PRIMA1: variants seen among roughly 807,000 people sequenced by gnomAD.
The protein encoded by PRIMA1 is proline rich membrane anchor 1.
In PRIMA1, 7 loss-of-function variants were observed where a neutral mutation model predicts 17.5. That is an observed-to-expected ratio of 0.40 (90% confidence interval 0.23 to 0.75). PRIMA1 has a LOEUF of 0.75. Ranked by LOEUF, PRIMA1 falls within the 30% of genes least tolerant of loss-of-function variation. The pLI, the probability that PRIMA1 is intolerant of heterozygous loss-of-function variation, is 0.37. For missense variants in PRIMA1, 200 were observed against 201.8 expected, an observed-to-expected ratio of 0.99 and a Z score of 0.05; for synonymous variants, 97 against 77.9, an observed-to-expected ratio of 1.25 and a Z score of -1.29.
intron 3 of PRIMA1, among the ~76,000 whole-genome samples, chr14:93,773,737 G>C (rs754501930): frequency 6.6e-6 from 1 of 152,218 alleles, no homozygotes; most frequent in South Asian, 2.1e-4. Flanking sequence ...CTGCCACAGA[G>C]GAATAGGAGG....
intron 3 of PRIMA1, among the ~76,000 whole-genome samples, chr14:93,777,914 G>T (rs866836099): frequency 3.3e-5 from 5 of 152,230 alleles, no homozygotes; most frequent in Admixed American, 1.3e-4. Flanking sequence ...ACCGCTGGGA[G>T]ACTACGTGCC....
chr14:93,766,716 T>C (rs761114645), intron 3 of PRIMA1, among the ~76,000 whole-genome samples: 14 of 149,134 alleles, frequency 9.4e-5, no homozygotes, highest in Non-Finnish European at 1.9e-4. Context: ...TCCACTTATA[T>C]CCCCACACCC....
intron 3 of PRIMA1, among the ~76,000 whole-genome samples, chr14:93,758,358 A>T (rs145855672): frequency 6.6e-6 from 1 of 152,192 alleles, no homozygotes; most frequent in Non-Finnish European, 1.5e-5. Context: ...GGCCGAGGCA[A>T]GCAGATCACT....
At chr14:93,746,388 T>G (rs924862165) in intron 3 of PRIMA1, among the ~76,000 whole-genome samples, 4 of 152,044 alleles carry the variant, frequency 2.6e-5, no homozygotes, top group African/African-American at 9.7e-5. Flanking sequence ...GAGGAGACAC[T>G]GGAGCAAAGA....
At position 93,721,462 on chromosome 14, in the gene PRIMA1, C is replaced by G; in HGVS notation, c.444G>C (p.Val148=). ...SASQSNKGVD[V]NNAVV is the part of the protein sequence containing the mutation. ...TGCAGACTCACACCACTGCGTTGTT[C>G]ACGTCTACTCCTTTGTTGCTCTGCG... The change falls in exon 5 of 5, where the codon GTG becomes GTC. Residue 148 remains valine (V), a synonymous_variant. Coordinates refer to ENST00000393140, the MANE Select transcript of PRIMA1 (RefSeq NM_178013.4). 6.2e-7 allele frequency: 1 copy of G among 1,612,870 alleles called. No individual in the cohort carries two copies. The highest frequency in any genetic ancestry group is 8.5e-7 in the Non-Finnish European group (1 of 1,178,930).
Position 93,729,894 on chromosome 14 carries a change from A to T in PRIMA1, c.359+7347T>A, listed in dbSNP as rs2141154891. On this transcript the variant is annotated intron_variant, in intron 4 of 4. Coordinates refer to ENST00000393140, the MANE Select transcript of PRIMA1 (RefSeq NM_178013.4). Reference sequence around the variant, plus strand: ...GAGAATGGCAGGAGGCCTACTGAAGAAATGGGGTTGAGAGGGAGGGGGCAG... The same window carrying T: ...GAGAATGGCAGGAGGCCTACTGAAGTAATGGGGTTGAGAGGGAGGGGGCAG... Among the ~76,000 whole-genome samples, 3 of 151,580 alleles carry T rather than the reference A, an allele frequency of 2.0e-5. No homozygotes were observed. In the Middle Eastern group the frequency reaches 0.01, roughly 516 times the overall value.
rs774676827 is a variant in PRIMA1, at chr14:93,726,913, AT to A, written c.360-5368del. 6.6e-6 allele frequency among the ~76,000 whole-genome samples: 1 copy of A among 152,220 alleles called. No individual in the cohort carries two copies. The highest frequency in any genetic ancestry group is 1.5e-5 in the Non-Finnish European group (1 of 68,038). On this transcript the variant is annotated intron_variant, in intron 4 of 4. Transcript: ENST00000393140. The surrounding 1 kb of genome is among the most constrained non-coding windows in gnomAD (Gnocchi z 4.2). ...CATACATATGAATACACATATGCAT[AT>A]GCATACCTACAGACATATATCCCCA... is the stretch of plus-strand genomic sequence containing the variant.
chr14:93,732,519 C>G (rs1006081451), intron 4 of PRIMA1, among the ~76,000 whole-genome samples: 22 of 152,204 alleles, frequency 1.4e-4, no homozygotes, highest in African/African-American at 4.6e-4. Flanking sequence ...TGGGGGCAGT[C>G]TGGTCTGATT....
At chr14:93,742,621 G>T (rs2076191280) in intron 3 of PRIMA1, among the ~76,000 whole-genome samples, 1 of 152,114 alleles carries the variant, frequency 6.6e-6, no homozygotes, top group African/African-American at 2.4e-5. Context: ...GTGGACGTGT[G>T]GACCCACCCA....
rs370532001 is a variant in PRIMA1, at chr14:93,747,475, C to T, written c.230-10105G>A. ...GTTCAAGTTTTGCTGCAAAAGGGAG[C>T]GGCATCGTGGAGCCATATCTGGGGG... On this transcript the variant is annotated intron_variant, in intron 3 of 4. Transcript: ENST00000393140. Among the ~76,000 whole-genome samples, 10 of 152,180 alleles carry T rather than the reference C, an allele frequency of 6.6e-5. No homozygotes were observed. In the East Asian group the frequency reaches 7.7e-4, roughly 12 times the overall value.
chr14:93,727,263 G>C (rs1191689751), intron 4 of PRIMA1, among the ~76,000 whole-genome samples: 1 of 152,218 alleles, frequency 6.6e-6, no homozygotes, highest in South Asian at 2.1e-4. Flanking sequence ...GCTGTGGGCC[G>C]AGGGGAGCAG....
At chr14:93,787,795 C>T in intron 1 of PRIMA1, 46 bp from the exon 2 acceptor site, 1 of 1,502,768 alleles carries the variant, frequency 6.7e-7, no homozygotes. Context: ...CGCGCAGGCA[C>T]TTCCGCCGCC....
chr14:93,735,440 A>G (rs1436237943), intron 4 of PRIMA1, among the ~76,000 whole-genome samples: 5 of 152,054 alleles, frequency 3.3e-5, no homozygotes, highest in African/African-American at 1.2e-4. Flanking sequence ...CCCTCCTCCC[A>G]TTCCAGCAGG....
At chr14:93,778,191 G>A (rs906767287) in intron 3 of PRIMA1, among the ~76,000 whole-genome samples, 2 of 152,236 alleles carry the variant, frequency 1.3e-5, no homozygotes, top group African/African-American at 4.8e-5. Context: ...GTTTGAAGTG[G>A]GCCCAAGAAG....
At chr14:93,782,287 A>ATAC (rs1566979291) in intron 2 of PRIMA1, among the ~76,000 whole-genome samples, 2 of 150,332 alleles carry the variant, frequency 1.3e-5, no homozygotes, top group African/African-American at 5.0e-5. Flanking sequence ...TAAATAAATA[A>ATAC]ATAAATACAT....
In PRIMA1 at chr14:93,726,283, G is replaced by T. The variant is rs894139764; in HGVS notation, c.360-4737C>A. Among the ~76,000 whole-genome samples the T allele has an allele frequency of 6.6e-6, 1 of 152,204 alleles. No homozygotes were observed. The highest frequency in any genetic ancestry group is 1.5e-5 in the Non-Finnish European group (1 of 68,028). On this transcript the variant is annotated intron_variant, in intron 4 of 4. Coordinates refer to ENST00000393140, the MANE Select transcript of PRIMA1 (RefSeq NM_178013.4). This position sits in a 1 kb window ranked among gnomAD's most constrained non-coding sequence, Gnocchi z 4.2. ...CCAGGTACCCCTCTTAGGCCCTGCT[G>T]ATCATGATGTGACAGCCTCCCGCTC...
At chr14:93,735,712 G>C (rs557823065) in intron 4 of PRIMA1, among the ~76,000 whole-genome samples, 4 of 136,086 alleles carry the variant, frequency 2.9e-5, no homozygotes, top group Non-Finnish European at 4.7e-5. Flanking sequence ...TTTTTTTTGA[G>C]ATGGAGTCTC....
At chr14:93,786,029 AGATCC>A (rs1885515681) in intron 2 of PRIMA1, among the ~76,000 whole-genome samples, 1 of 152,232 alleles carries the variant, frequency 6.6e-6, no homozygotes, top group Non-Finnish European at 1.5e-5. Context: ...TCTTCTGTTT[AGATCC>A]TACTAGCTTA....
intron 3 of PRIMA1, among the ~76,000 whole-genome samples, chr14:93,774,087 G>A (rs567202777): frequency 1.2e-3 from 180 of 151,736 alleles, no homozygotes; most frequent in African/African-American, 4.1e-3. Context: ...GAGAGACTCC[G>A]TCTCAAAAAA....
Sources: gnomAD v4.1 joint callset for allele counts (sites outside exome capture counted in the v4.1 genomes callset) on GRCh38, gnomAD v4.1.1 for gene constraint, Gnocchi (gnomAD v3.1) non-coding constraint, MANE v1.5 for transcripts, NCBI Gene and HGNC (gene_info 2026-07-23, HGNC 2026-07-21) for gene names.